Variants in HSD3B1 observed in about 807,000 individuals in gnomAD.
HSD3B1 encodes the protein hydroxy-delta-5-steroid dehydrogenase, 3 beta- and steroid delta-isomerase 1, also known as 3 beta-hydroxysteroid dehydrogenase/Delta 5-->4-isomerase type 1.
In HSD3B1, 11 loss-of-function variants were observed where a neutral mutation model predicts 10.4. That is an observed-to-expected ratio of 1.05 (90% CI 0.66 to 1.75). The LOEUF (loss-of-function observed/expected upper bound fraction) is 1.75. HSD3B1 is among the 40% of genes most tolerant of loss of function. The pLI is 0.00. For missense variants in HSD3B1, 490 were observed against 454.5 expected (o/e 1.08, Z -0.71); for synonymous variants, 217 against 185.4 (o/e 1.17, Z -1.39).
chr1:119,511,850 G>A, intron 3 of HSD3B1, 183 bp downstream of exon 3: 1 of 606,324 alleles, frequency 1.6e-6, no homozygotes, highest in Non-Finnish European at 2.9e-6. Context: ...GATAAAACTA[G>A]GACTGAGAGA....
Position 119,507,585 on chromosome 1 carries a change from A to G in HSD3B1, c.109A>G (p.Lys37Glu). The G allele has an allele frequency of 6.2e-7, 1 of 1,613,994 alleles. No homozygotes were observed. The highest frequency in any genetic ancestry group is 8.5e-7 in the Non-Finnish European group (1 of 1,179,914). ...GCTGAAGGAGATCAGGGTCTTGGAC[A>G]AGGCCTTCGGACCAGAATTGAGAGA... ...KELKEIRVLD[K>E]AFGPELREEF... The change falls in exon 2 of 4, where the codon AAG (lysine) becomes GAG (glutamate). Residue 37 changes from lysine (K) to glutamate (E), a missense_variant. Transcript: ENST00000369413.
intron 2 of HSD3B1, among the ~76,000 whole-genome samples, chr1:119,510,608 CT>C (rs1377499547): frequency 6.6e-6 from 1 of 150,916 alleles, no homozygotes; most frequent in African/African-American, 2.4e-5. Flanking sequence ...GATCATCAGT[CT>C]TTCTCAAATC....
intron 2 of HSD3B1, among the ~76,000 whole-genome samples, chr1:119,510,895 T>G (rs1414917799): frequency 2.0e-5 from 3 of 151,604 alleles, no homozygotes; most frequent in African/African-American, 7.3e-5. Context: ...GGCAGGCACA[T>G]GCCACCATGC....
In HSD3B1 at chr1:119,511,539, G is replaced by C. The variant is rs762580048; in HGVS notation, c.182G>C (p.Gly61Ala). The C allele has an allele frequency of 2.5e-6, 4 of 1,613,748 alleles. No individual in the cohort carries two copies. The highest frequency in any genetic ancestry group is 1.3e-5 in the African/African-American group (1 of 75,008). Residue 61 changes from glycine to alanine, a missense_variant, in exon 3 of 4, where the codon GGA (glycine) becomes GCA (alanine). Transcript: ENST00000369413. ...QNKTKLTVLE[G>A]DILDEPFLKR... is the part of the protein sequence containing the mutation. ...AAGACCAAGCTGACAGTGCTGGAAG[G>C]AGACATTCTGGATGAGCCATTCCTG... is the stretch of plus-strand genomic sequence containing the variant.
At position 119,513,939 on chromosome 1, in the gene HSD3B1, A is replaced by G. The variant is rs1190413997; in HGVS notation, c.416A>G (p.Gln139Arg). 1.9e-6 allele frequency: 3 copies of G among 1,614,106 alleles called. No individual in the cohort carries two copies. Among genetic ancestry groups the G allele is most frequent in the African/African-American group, 1.3e-5 (1 of 75,024 alleles). ...CCCAACTCCTACAAGGAAATCATCC[A>G]GAATGGCCATGAAGAAGAGCCTCTG... ...AGPNSYKEII[Q>R]NGHEEEPLEN... The change falls in exon 4 of 4, where the codon CAG (glutamine) becomes CGG (arginine). Residue 139 changes from glutamine to arginine, a missense_variant. Physicochemically the swap from Gln to Arg is conservative, Grantham distance 43. Transcript: ENST00000369413.
chr1:119,508,379 A>AC (rs1653848160), intron 2 of HSD3B1, among the ~76,000 whole-genome samples: 3 of 151,998 alleles, frequency 2.0e-5, no homozygotes, highest in African/African-American at 7.3e-5. Flanking sequence ...TTAAAAAAAA[A>AC]AAAACAAAAC....
Position 119,510,712 on chromosome 1 carries a change from G to GTTTTTTTTTTTTTTTTTTTTTTTTTTTTT in HSD3B1, c.146-787_146-786insTTTTTTTTTTTTTTTTTTTTTTTTTTTTT, listed in dbSNP as rs1265546430. ...TCCTTTTTTTGTTGTTGCTTGTGTG[G>GTTTTTTTTTTTTTTTTTTTTTTTTTTTTT]TTTTCTTTTTTTTTTTTTTTTTTTT... is the stretch of plus-strand genomic sequence containing the variant. On this transcript the variant is annotated intron_variant, in intron 2 of 3. Transcript: ENST00000369413. 5.1e-5 allele frequency among the ~76,000 whole-genome samples: 2 copies of GTTTTTTTTTTTTTTTTTTTTTTTTTTTTT among 39,058 alleles called. 1 individual carries two copies. Among genetic ancestry groups the GTTTTTTTTTTTTTTTTTTTTTTTTTTTTT allele is most frequent in the Admixed American group, 7.3e-4 (2 of 2,756 alleles). The allele number at this position is 39,058 out of a possible 152,430, so 25.6% of individuals were successfully genotyped here.
rs1653819993 is a variant in HSD3B1 at position 119,507,519 on chromosome 1, C to T, written c.43C>T (p.Leu15=). Residue 15 remains leucine, a synonymous_variant, in exon 2 of 4, where the codon CTG becomes TTG. Transcript: ENST00000369413. ...SCLVTGAGGF[L]GQRIIRLLVK... Reference sequence around the variant, plus strand: ...CCTTGTGACAGGAGCAGGAGGGTTTCTGGGACAGAGGATCATCCGCCTCTT... The same window carrying T: ...CCTTGTGACAGGAGCAGGAGGGTTTTTGGGACAGAGGATCATCCGCCTCTT... 1 of 1,613,928 alleles carries T rather than the reference C, an allele frequency of 6.2e-7. No homozygotes were observed. Among genetic ancestry groups the T allele is most frequent in the Non-Finnish European group, 8.5e-7 (1 of 1,179,904 alleles).
intron 2 of HSD3B1, among the ~76,000 whole-genome samples, chr1:119,511,137 T>C (rs1221930512): frequency 1.3e-5 from 2 of 152,186 alleles, no homozygotes; most frequent in Non-Finnish European, 2.9e-5. Flanking sequence ...GATTTCTCAT[T>C]ACTTACAGAA....
intron 2 of HSD3B1, among the ~76,000 whole-genome samples, chr1:119,510,712 GTTTTCTTTTTTTTTTTTTTT>G (rs1173658213): frequency 0.059 from 2,320 of 39,018 alleles, 262 homozygotes; most frequent in African/African-American, 0.13. Context: ...TGCTTGTGTG[GTTTTCTTTTTTTTTTTTTTT>G]TTTTTTTTTT....
At chr1:119,508,503 C>A (rs1299224409) in intron 2 of HSD3B1, among the ~76,000 whole-genome samples, 2 of 152,262 alleles carry the variant, frequency 1.3e-5, no homozygotes, top group South Asian at 2.1e-4. Context: ...TCCAACAGGA[C>A]AATGAACGCA....
rs774544656 is a variant in HSD3B1, at chr1:119,513,899, A to T, written c.376A>T (p.Ile126Leu). ...GCCAGTCTTCATCTACACCAGTAGC[A>T]TAGAGGTAGCCGGGCCCAACTCCTA... ...SVPVFIYTSS[I>L]EVAGPNSYKE... The change falls in exon 4 of 4, where the codon ATA (isoleucine) becomes TTA (leucine). Residue 126 changes from isoleucine (I) to leucine (L), a missense_variant. Physicochemically the swap from Ile to Leu is conservative, Grantham distance 5. Coordinates refer to ENST00000369413, the MANE Select transcript of HSD3B1 (RefSeq NM_000862.3). 3 of 1,614,016 alleles carry T rather than the reference A, an allele frequency of 1.9e-6. No homozygotes were observed. Among genetic ancestry groups the T allele is most frequent in the Admixed American group, 3.3e-5 (2 of 60,006 alleles).
intron 3 of HSD3B1, 68 bp from the exon 4 acceptor site, chr1:119,513,766 A>G: frequency 6.9e-7 from 1 of 1,455,508 alleles, no homozygotes. Context: ...GGGCACATAG[A>G]TCTGTGTTCG....
rs188084319 is a variant in HSD3B1, at chr1:119,509,175, T to G, written c.145+1554T>G. On this transcript the variant is annotated intron_variant, in intron 2 of 3. Coordinates refer to ENST00000369413, the MANE Select transcript of HSD3B1 (RefSeq NM_000862.3). ...TCCTCCTTTTTTAAAGATGAGGAGA[T>G]AGAAACAGAGAGGTTAGTTAACTTT... is the stretch of plus-strand genomic sequence containing the variant. Among the ~76,000 whole-genome samples the G allele has an allele frequency of 1.1e-4, 16 of 152,162 alleles. No homozygotes were observed. In the East Asian group the frequency reaches 2.3e-3, roughly 22 times the overall value.
In HSD3B1 at chr1:119,514,573, G is replaced by A. The variant is rs1654055265; in HGVS notation, c.1050G>A (p.Lys350=). The change falls in exon 4 of 4, where the codon AAG becomes AAA. Residue 350 remains lysine, a synonymous_variant. Transcript: ENST00000369413. Reference sequence around the variant, plus strand: ...CACTCTACAGCTGGGAGGAAGCCAAGCAGAAAACGGTGGAGTGGGTTGGTT... The same window carrying A: ...CACTCTACAGCTGGGAGGAAGCCAAACAGAAAACGGTGGAGTGGGTTGGTT... ...YKPLYSWEEA[K]QKTVEWVGSL... The A allele has an allele frequency of 6.2e-7, 1 of 1,613,978 alleles. No homozygotes were observed. Among genetic ancestry groups the A allele is most frequent in the Non-Finnish European group, 8.5e-7 (1 of 1,180,002 alleles).
chr1:119,511,830 T>A, intron 3 of HSD3B1, 163 bp downstream of exon 3: 1 of 654,334 alleles, frequency 1.5e-6, no homozygotes. Flanking sequence ...CTAACTTTAG[T>A]TTTTTAGATG....
chr1:119,510,105 C>G (rs1467657465), intron 2 of HSD3B1, among the ~76,000 whole-genome samples: 2 of 152,140 alleles, frequency 1.3e-5, no homozygotes, highest in Non-Finnish European at 2.9e-5. Context: ...TGATAAAGCA[C>G]AAACAAGTGT....
chr1:119,511,418 A>G lies in HSD3B1; in HGVS notation c.146-85A>G, dbSNP rs954335179. 9 of 1,367,510 alleles carry G rather than the reference A, an allele frequency of 6.6e-6. No individual in the cohort carries two copies. The Admixed American group carries it at 1.2e-4, about 19-fold the overall frequency. 84.7% of individuals were successfully genotyped at this position (1,367,510 alleles called of 1,614,324 possible). On this transcript the variant is annotated intron_variant, in intron 2 of 3. Coordinates refer to ENST00000369413, the MANE Select transcript of HSD3B1 (RefSeq NM_000862.3). The stretch of plus-strand genomic sequence containing the variant: ...TAACACCCTACTCTAACCATCCTTG[A>G]ACACCTATGTAACATCACCTTTATC...
In HSD3B1 at chr1:119,513,078, C is replaced by T. The variant is rs181684499; in HGVS notation, c.311-756C>T. On this transcript the variant is annotated intron_variant, in intron 3 of 3. Transcript: ENST00000369413. Reference sequence around the variant, plus strand: ...GCAGAGGACACACTTCTCTCCCCAGCCCTCCACCAGGCTCCACAGGAAATG... The same window carrying T: ...GCAGAGGACACACTTCTCTCCCCAGTCCTCCACCAGGCTCCACAGGAAATG... Among the ~76,000 whole-genome samples, 33 of 152,296 alleles carry T rather than the reference C, an allele frequency of 2.2e-4. No individual in the cohort carries two copies. In the East Asian group the frequency reaches 2.5e-3, roughly 12 times the overall value.
Sources: gnomAD v4.1 joint callset for allele counts (sites outside exome capture counted in the v4.1 genomes callset) on GRCh38, gnomAD v4.1.1 for gene constraint, MANE v1.5 for transcripts, NCBI Gene and HGNC (gene_info 2026-07-23, HGNC 2026-07-21) for gene names.